Variants in SENP5 observed in about 807,000 individuals in gnomAD.
SENP5 encodes SUMO specific peptidase 5, also known as sentrin-specific protease 5.
Under a neutral mutation model 74.2 loss-of-function variants are expected in SENP5, and 21 were observed. The ratio of observed to expected loss-of-function variants is 0.28; its 90% CI spans 0.20 to 0.41. The LOEUF is 0.41. SENP5 is among the 10% of genes least tolerant of loss of function. The pLI is 1.00. For synonymous variants in SENP5, 311 were observed against 312.7 expected, an observed-to-expected ratio of 0.99 and a Z score of 0.06; for missense variants, 717 against 889.1, an observed-to-expected ratio of 0.81 and a Z score of 2.46.
intron 2 of SENP5, among the ~76,000 whole-genome samples, chr3:196,889,454 A>G (rs1279740905): frequency 1.3e-5 from 2 of 152,220 alleles, no homozygotes; most frequent in Admixed American, 6.5e-5. Flanking sequence ...ATAATTCACT[A>G]TTTTAATAGG....
intron 6 of SENP5, among the ~76,000 whole-genome samples, chr3:196,915,314 C>T (rs1192621986): frequency 6.6e-6 from 1 of 152,126 alleles, no homozygotes; most frequent in Admixed American, 6.6e-5. Flanking sequence ...GGTGCTCTTT[C>T]CATTTGGGGA....
chr3:196,886,193 CTTAGT>C lies in SENP5; in HGVS notation c.1017_1021del (p.Ser339ArgfsTer6). 1 of 1,614,212 alleles carries C rather than the reference CTTAGT, an allele frequency of 6.2e-7. No individual in the cohort carries two copies. The highest frequency in any genetic ancestry group is 8.5e-7 in the Non-Finnish European group (1 of 1,180,038). On this transcript the variant is annotated frameshift_variant, in exon 2 of 10. Transcript: ENST00000323460. LOFTEE classifies it high-confidence loss of function. ...AGGAAGCTCTTTCTTGGGCAAGGAG[CTTAGT>C]TTAGACGAAGCATTCCCTGACCAAC... is the stretch of plus-strand genomic sequence containing the variant.
In SENP5 at chr3:196,886,282, G is replaced by A. The variant is rs772685012; in HGVS notation, c.1101G>A (p.Glu367=). Reference sequence around the variant, plus strand: ...CATCCTGTTCTTCTCCTAAGTGGGAGTGTACAGAGCTGATTCATGACATCC... The same window carrying A: ...CATCCTGTTCTTCTCCTAAGTGGGAATGTACAGAGCTGATTCATGACATCC... ...DQSSCSSPKW[E]CTELIHDIPL... is the part of the protein sequence containing the mutation. Residue 367 remains glutamate (E), a synonymous_variant, in exon 2 of 10, where the codon GAG becomes GAA. Transcript: ENST00000323460. 2 of 1,614,142 alleles carry A rather than the reference G, an allele frequency of 1.2e-6. No individual in the cohort carries two copies. Among genetic ancestry groups the A allele is most frequent in the South Asian group, 1.1e-5 (1 of 91,070 alleles).
intron 7 of SENP5, 28 bp from the exon 8 acceptor site, chr3:196,927,768 A>G: frequency 7.6e-7 from 1 of 1,308,864 alleles, no homozygotes; most frequent in South Asian, 1.2e-5. Context: ...GGAACACAGC[A>G]TCTGTGTTGT....
chr3:196,886,833 A>T (rs1346672316), intron 2 of SENP5, 139 bp downstream of exon 2: 3 of 585,846 alleles, frequency 5.1e-6, no homozygotes, highest in African/African-American at 3.8e-5. Context: ...AGCCTTTTAT[A>T]TTGCTGCATT....
chr3:196,891,952 G>A (rs1282444316), intron 2 of SENP5, among the ~76,000 whole-genome samples: 1 of 151,612 alleles, frequency 6.6e-6, no homozygotes, highest in Non-Finnish European at 1.5e-5. Flanking sequence ...CACCACGCCC[G>A]GCTAATTTTT....
Position 196,908,238 on chromosome 3 carries a change from C to G in SENP5, c.1884+4628C>G, listed in dbSNP as rs79100229. Among the ~76,000 whole-genome samples the G allele has an allele frequency of 1.3e-3, 191 of 152,268 alleles. 7 individuals carry two copies. The East Asian group carries it at 0.031, about 25-fold the overall frequency. On this transcript the variant is annotated intron_variant, in intron 6 of 9. Coordinates refer to ENST00000323460, the MANE Select transcript of SENP5 (RefSeq NM_152699.5). ...GAGGCTGCAGTGAACCCTGATCACG[C>G]CACTGCACTCCTGCCTGGGTGACAG...
chr3:196,914,586 A>ATATATATATATATATATAT (rs1553825368), intron 6 of SENP5: 1 of 33,500 alleles, frequency 3.0e-5, no homozygotes, highest in African/African-American at 1.8e-4. Flanking sequence ...AAAAAAAAAA[A>ATATATATATATATATATAT]ATATATATAT....
intron 7 of SENP5, among the ~76,000 whole-genome samples, 165 bp downstream of exon 7, chr3:196,923,716 T>C (rs1459023592): frequency 6.6e-6 from 1 of 152,254 alleles, no homozygotes; most frequent in Non-Finnish European, 1.5e-5. Flanking sequence ...AATCTCTGGC[T>C]GAGGAGAGGA....
chr3:196,915,322 G>A (rs1715325643), intron 6 of SENP5, among the ~76,000 whole-genome samples: 1 of 152,088 alleles, frequency 6.6e-6, no homozygotes, highest in African/African-American at 2.4e-5. Context: ...TTCCATTTGG[G>A]GAACGGAGAG....
intron 2 of SENP5, among the ~76,000 whole-genome samples, chr3:196,893,057 A>T (rs997238342): frequency 1.3e-5 from 2 of 152,308 alleles, no homozygotes; most frequent in Admixed American, 1.3e-4. Flanking sequence ...TACACTCAGA[A>T]ATGGAATTGC....
intron 2 of SENP5, among the ~76,000 whole-genome samples, chr3:196,893,900 ACT>A (rs1183253726): frequency 2.3e-5 from 3 of 132,060 alleles, no homozygotes; most frequent in African/African-American, 8.6e-5. Flanking sequence ...ACAGAGTGAG[ACT>A]CTGTCTCAAA....
chr3:196,890,118 C>T (rs1714140905), intron 2 of SENP5, among the ~76,000 whole-genome samples: 1 of 152,264 alleles, frequency 6.6e-6, no homozygotes, highest in Non-Finnish European at 1.5e-5. Flanking sequence ...GCAGCAGCTA[C>T]TGCCCATTAT....
At chr3:196,899,527 A>G in intron 2 of SENP5, 139 bp from the exon 3 acceptor site, 1 of 458,164 alleles carries the variant, frequency 2.2e-6, no homozygotes, top group East Asian at 3.3e-5. Flanking sequence ...CTTTAAAAAT[A>G]TAGTATCAAT....
intron 6 of SENP5, among the ~76,000 whole-genome samples, chr3:196,916,036 C>T (rs1196039079): frequency 1.3e-5 from 2 of 152,128 alleles, no homozygotes; most frequent in Non-Finnish European, 2.9e-5. Context: ...TCAAGAACAT[C>T]CAGGAAGGCT....
At chr3:196,925,954 G>A (rs28679384) in intron 7 of SENP5, among the ~76,000 whole-genome samples, 209 of 152,290 alleles carry the variant, frequency 1.4e-3, no homozygotes, top group African/African-American at 4.7e-3. Context: ...AGTTTTAAGA[G>A]GATGTAGGGG....
At chr3:196,927,645 A>AG in intron 7 of SENP5, 151 bp from the exon 8 acceptor site, 1 of 538,028 alleles carries the variant, frequency 1.9e-6, no homozygotes, top group South Asian at 2.4e-5. Context: ...TTAAAAAAAA[A>AG]AAAAAAAAAA....
intron 6 of SENP5, among the ~76,000 whole-genome samples, chr3:196,918,947 G>A (rs1382348675): frequency 6.8e-6 from 1 of 147,120 alleles, no homozygotes; most frequent in Non-Finnish European, 1.5e-5. Flanking sequence ...ATGATAAAAA[G>A]GTCAGACAAT....
intron 1 of SENP5, among the ~76,000 whole-genome samples, chr3:196,876,259 G>C (rs960733287): frequency 6.6e-6 from 1 of 152,064 alleles, no homozygotes; most frequent in Admixed American, 6.6e-5. Flanking sequence ...AAGTATTTAT[G>C]GGCCAGGCGC....
Sources: allele counts gnomAD v4.1 joint callset (sites outside exome capture counted in the v4.1 genomes callset), GRCh38; gene constraint gnomAD v4.1.1; transcripts MANE v1.5; gene names NCBI Gene and HGNC (gene_info 2026-07-23, HGNC 2026-07-21).